The following VTCN1 variants were observed in gnomAD, a reference collection of about 807,000 sequenced individuals.
VTCN1 encodes the protein V-set domain-containing T-cell activation inhibitor 1.
In VTCN1, 26 loss-of-function variants were observed where a neutral mutation model predicts 26.5. That is an observed-to-expected ratio of 0.98 (90% CI 0.72 to 1.36). VTCN1 has a LOEUF of 1.36. Among genes scored for constraint, VTCN1 ranks in the 40% most tolerant of loss-of-function variants. The pLI is 0.00. For missense variants in VTCN1, 298 were observed against 337.7 expected, an observed-to-expected ratio of 0.88 and a Z score of 0.92; for synonymous variants, 116 against 130.7, an observed-to-expected ratio of 0.89 and a Z score of 0.77.
At position 117,175,689 on chromosome 1, in the gene VTCN1, A is replaced by G. The variant is rs1008299033; in HGVS notation, c.33-5518T>C. ...GAGCTCATTGATGCTATAGAAACAT[A>G]TACTGCAGCGGACAGGCTGTATTAC... On this transcript the variant is annotated intron_variant, in intron 1 of 5. Transcript: ENST00000369458. The surrounding 1 kb of genome is among the most constrained non-coding windows in gnomAD (Gnocchi z 4.2). 1.2e-4 allele frequency among the ~76,000 whole-genome samples: 19 copies of G among 152,044 alleles called. No homozygotes were observed. The highest frequency in any genetic ancestry group is 4.4e-4 in the African/African-American group (18 of 41,372).
chr1:117,154,932 C>T (rs1651992549), intron 3 of VTCN1, among the ~76,000 whole-genome samples: 1 of 152,166 alleles, frequency 6.6e-6, no homozygotes, highest in Non-Finnish European at 1.5e-5. Context: ...AAGATTCCTT[C>T]CAGAACACCA....
At chr1:117,195,002 ATGCCTAT>A (rs1648438690) in intron 1 of VTCN1, among the ~76,000 whole-genome samples, 2 of 152,132 alleles carry the variant, frequency 1.3e-5, no homozygotes, top group African/African-American at 2.4e-5. Flanking sequence ...ACGGTGGCTC[ATGCCTAT>A]AATCCCAGCA....
At position 117,167,553 on chromosome 1, in the gene VTCN1, C is replaced by T. The variant is rs976540487; in HGVS notation, c.97+2554G>A. ...CACCAGGAAACAGAAATTAAAACCA[C>T]AAAATTCCACAACACCCAGTATTGG... On this transcript the variant is annotated intron_variant, in intron 2 of 5. Coordinates refer to ENST00000369458, the MANE Select transcript of VTCN1 (RefSeq NM_024626.4). The surrounding 1 kb of genome is among the most constrained non-coding windows in gnomAD (Gnocchi z 4.1). 6.6e-6 allele frequency among the ~76,000 whole-genome samples: 1 copy of T among 152,166 alleles called. No homozygotes were observed. The highest frequency in any genetic ancestry group is 6.5e-5 in the Admixed American group (1 of 15,278).
Position 117,145,274 on chromosome 1 carries a change from A to C in VTCN1, c.*46-49T>G, listed in dbSNP as rs1254161483. On this transcript the variant is annotated intron_variant, in intron 5 of 5. Transcript: ENST00000369458. The surrounding 1 kb of genome is among the most constrained non-coding windows in gnomAD (Gnocchi z 4.6). ...ATAAGATACCATTATAGCCATTCAC[A>C]AAACAATTATTGAGAACTGAGAGCT... 1 of 152,224 alleles carries C rather than the reference A, an allele frequency of 6.6e-6. No homozygotes were observed. Among genetic ancestry groups the C allele is most frequent in the Non-Finnish European group, 1.5e-5 (1 of 68,034 alleles). 9.4% of individuals were successfully genotyped at this position (152,224 alleles called of 1,614,324 possible).
In VTCN1 at chr1:117,147,693, G is replaced by A. The variant is rs1651584855; in HGVS notation, c.814C>T (p.Leu272Phe). ...VSSFFAISWA[L>F]LPLSPYLMLK Reference sequence around the variant, plus strand: ...ATCAGGTAAGGGCTGAGAGGCAGAAGTGCCCAGCTGATGGCAAAGAAAGAA... The same window carrying A: ...ATCAGGTAAGGGCTGAGAGGCAGAAATGCCCAGCTGATGGCAAAGAAAGAA... Residue 272 changes from leucine to phenylalanine, a missense_variant, in exon 5 of 6, where the codon CTT (leucine) becomes TTT (phenylalanine). Transcript: ENST00000369458. This position sits in a 1 kb window ranked among gnomAD's most constrained non-coding sequence, Gnocchi z 4.6. 7.4e-6 allele frequency: 12 copies of A among 1,613,914 alleles called. No homozygotes were observed. Among genetic ancestry groups the A allele is most frequent in the Non-Finnish European group, 1.0e-5 (12 of 1,179,952 alleles).
At position 117,167,996 on chromosome 1, in the gene VTCN1, G is replaced by A. The variant is rs1473760631; in HGVS notation, c.97+2111C>T. Among the ~76,000 whole-genome samples, 2 of 150,644 alleles carry A rather than the reference G, an allele frequency of 1.3e-5. No individual in the cohort carries two copies. Among genetic ancestry groups the A allele is most frequent in the Non-Finnish European group, 3.0e-5 (2 of 67,608 alleles). On this transcript the variant is annotated intron_variant, in intron 2 of 5. Coordinates refer to ENST00000369458, the MANE Select transcript of VTCN1 (RefSeq NM_024626.4). This position sits in a 1 kb window ranked among gnomAD's most constrained non-coding sequence, Gnocchi z 4.1. ...AGAAAGAGAGAAGACTAGAGAGAAA[G>A]AAAGAGAGAAAAAAAACCGAAATTA...
chr1:117,194,301 A>G (rs973224604), intron 1 of VTCN1, among the ~76,000 whole-genome samples: 2 of 152,214 alleles, frequency 1.3e-5, no homozygotes, highest in Non-Finnish European at 2.9e-5. Flanking sequence ...AGGGAACTAT[A>G]AATCAAAACC....
At chr1:117,182,248 A>G (rs1347451344) in intron 1 of VTCN1, among the ~76,000 whole-genome samples, 1 of 152,202 alleles carries the variant, frequency 6.6e-6, no homozygotes, top group Non-Finnish European at 1.5e-5. Flanking sequence ...TAATGGCAGA[A>G]AGTCCTCCCA....
In VTCN1 at chr1:117,169,566, C is replaced by G. The variant is rs1425125440; in HGVS notation, c.97+541G>C. On this transcript the variant is annotated intron_variant, in intron 2 of 5. Transcript: ENST00000369458. This position sits in a 1 kb window ranked among gnomAD's most constrained non-coding sequence, Gnocchi z 4.0. ...CATCTCATTTGATTATCTCAACTAA[C>G]TGGTGATGTTGACAGTATCTCCCCA... Among the ~76,000 whole-genome samples, 1 of 152,148 alleles carries G rather than the reference C, an allele frequency of 6.6e-6. No homozygotes were observed. The highest frequency in any genetic ancestry group is 2.4e-5 in the African/African-American group (1 of 41,440).
At position 117,178,588 on chromosome 1, in the gene VTCN1, GTTTTTTTTTTTTT is replaced by G. The variant is rs10657719; in HGVS notation, c.33-8430_33-8418del. ...TTCAGTGTTTTCTTTTCTTTCTTTC[GTTTTTTTTTTTTT>G]TTTTTTTTTAGAGACAGGGCCCGGC... On this transcript the variant is annotated intron_variant, in intron 1 of 5. Transcript: ENST00000369458. 7.9e-5 allele frequency among the ~76,000 whole-genome samples: 7 copies of G among 88,262 alleles called. 1 individual carries two copies. The highest frequency in any genetic ancestry group is 2.4e-4 in the African/African-American group (5 of 20,506). The allele number at this position is 88,262 out of a possible 152,430, so 57.9% of individuals were successfully genotyped here.
Position 117,210,873 on chromosome 1 carries a change from A to G in VTCN1, c.-18T>C. On this transcript the variant is annotated 5_prime_UTR_variant, in exon 1 of 6. Transcript: ENST00000369458. ...GAAGCCATGGCTGGGGAAGGTTCCC[A>G]GCGTATCTGGGTACTGGCTGAGTGG... 6.2e-7 allele frequency: 1 copy of G among 1,614,090 alleles called. No individual in the cohort carries two copies. The highest frequency in any genetic ancestry group is 8.5e-7 in the Non-Finnish European group (1 of 1,179,976).
chr1:117,190,976 G>A (rs1648216574), intron 1 of VTCN1, among the ~76,000 whole-genome samples: 1 of 152,130 alleles, frequency 6.6e-6, no homozygotes, highest in African/African-American at 2.4e-5. Flanking sequence ...TCATCTTAAA[G>A]AAGCTCAATG....
intron 4 of VTCN1, among the ~76,000 whole-genome samples, chr1:117,151,013 A>G (rs905704881): frequency 5.9e-5 from 9 of 152,006 alleles, no homozygotes; most frequent in Non-Finnish European, 1.3e-4. Flanking sequence ...TTATCTACTC[A>G]TCTACTAATG....
intron 1 of VTCN1, among the ~76,000 whole-genome samples, chr1:117,208,311 C>T (rs1219735967): frequency 6.6e-6 from 1 of 152,196 alleles, no homozygotes; most frequent in Non-Finnish European, 1.5e-5. Flanking sequence ...TTCCACCCTT[C>T]TTCACCTGGG....
At chr1:117,189,272 A>G (rs926545260) in intron 1 of VTCN1, among the ~76,000 whole-genome samples, 2 of 151,870 alleles carry the variant, frequency 1.3e-5, no homozygotes, top group Non-Finnish European at 2.9e-5. Flanking sequence ...CTTGTCTCGC[A>G]CCTGCAGGTC....
intron 1 of VTCN1, among the ~76,000 whole-genome samples, chr1:117,176,207 A>G (rs1047615486): frequency 6.6e-6 from 1 of 152,250 alleles, no homozygotes; most frequent in Non-Finnish European, 1.5e-5. Flanking sequence ...TGAGGTAAGT[A>G]CTACTCTCAT....
intron 1 of VTCN1, among the ~76,000 whole-genome samples, chr1:117,198,750 C>T (rs1460995748): frequency 6.6e-6 from 1 of 152,148 alleles, no homozygotes; most frequent in Admixed American, 6.5e-5. Context: ...CAAAACAATA[C>T]CCACGTTTAT....
Position 117,174,659 on chromosome 1 carries a change from C to T in VTCN1, c.33-4488G>A, listed in dbSNP as rs531540330. Among the ~76,000 whole-genome samples the T allele has an allele frequency of 3.3e-5, 5 of 152,174 alleles. No individual in the cohort carries two copies. The East Asian group carries it at 5.8e-4, about 18-fold the overall frequency. Reference sequence around the variant, plus strand: ...GCAAGTGCCTGTAATCCCAGCTACTCGGGAGGCTGGGGCAGGAGAATTGCT... The same window carrying T: ...GCAAGTGCCTGTAATCCCAGCTACTTGGGAGGCTGGGGCAGGAGAATTGCT... On this transcript the variant is annotated intron_variant, in intron 1 of 5. Transcript: ENST00000369458.
chr1:117,192,966 A>G (rs914233406), intron 1 of VTCN1, among the ~76,000 whole-genome samples: 1 of 152,126 alleles, frequency 6.6e-6, no homozygotes, highest in Non-Finnish European at 1.5e-5. Flanking sequence ...ATCAAATATT[A>G]ATATATTAGG....
Sources: allele counts gnomAD v4.1 joint callset (sites outside exome capture counted in the v4.1 genomes callset), GRCh38; gene constraint gnomAD v4.1.1; non-coding constraint Gnocchi (gnomAD v3.1); transcripts MANE v1.5; gene names NCBI Gene and HGNC (gene_info 2026-07-23, HGNC 2026-07-21).